The following FHAD1 variants were observed in gnomAD, a reference collection of about 807,000 sequenced individuals.
The protein encoded by FHAD1 is forkhead associated phosphopeptide binding domain 1, also known as forkhead-associated domain-containing protein 1.
A neutral mutation model predicts 191.3 loss-of-function variants in FHAD1; 146 were observed. The ratio of observed to expected loss-of-function variants is 0.76; its 90% CI spans 0.67 to 0.88. The LOEUF is 0.88. Among genes scored for constraint, FHAD1 ranks in the 40% least tolerant of loss-of-function variants. FHAD1 has a pLI of 0.00. For missense variants in FHAD1, 1,635 were observed against 1,785.8 expected (o/e 0.92, Z 1.52); for synonymous variants, 616 against 672.3 (o/e 0.92, Z 1.29).
chr1:15,280,006 A>G (rs1338858424), intron 3 of FHAD1, among the ~76,000 whole-genome samples: 1 of 152,232 alleles, frequency 6.6e-6, no homozygotes, highest in Non-Finnish European at 1.5e-5. Flanking sequence ...ATTCTCTATC[A>G]GGGAAGTTCC....
chr1:15,299,764 G>T (rs1236217488), intron 5 of FHAD1, among the ~76,000 whole-genome samples: 1 of 152,240 alleles, frequency 6.6e-6, no homozygotes, highest in Non-Finnish European at 1.5e-5. Context: ...TGTTTGTTGT[G>T]TGGATATTGA....
chr1:15,394,228 T>C (rs980345302), intron 33 of FHAD1, among the ~76,000 whole-genome samples: 1 of 152,190 alleles, frequency 6.6e-6, no homozygotes, highest in South Asian at 2.1e-4. Context: ...TCCGTGGTGC[T>C]TCCCATCCCA....
intron 21 of FHAD1, among the ~76,000 whole-genome samples, chr1:15,359,638 A>G (rs980848768): frequency 2.6e-5 from 4 of 152,082 alleles, no homozygotes; most frequent in African/African-American, 9.7e-5. Context: ...ATCTGAGGTC[A>G]AGAGTTTGAG....
In FHAD1 at chr1:15,349,133, T is replaced by C. The variant is rs1484424786; in HGVS notation, c.2438T>C (p.Leu813Ser). ...KRKVQDLENHLTQQKEISESN... is the reference protein window; with the variant it reads ...KRKVQDLENHSTQQKEISESN... ...AAAGTTCAGGATCTGGAGAACCATT[T>C]AACCCAACAGAAGGAGGTATGAGCA... The change falls in exon 19 of 34, where the codon TTA (leucine) becomes TCA (serine). Residue 813 changes from leucine to serine, a missense_variant. Coordinates refer to ENST00000688493, the MANE Select transcript of FHAD1 (RefSeq NM_001391957.1). 9 of 1,550,888 alleles carry C rather than the reference T, an allele frequency of 5.8e-6. No homozygotes were observed. In the South Asian group the frequency reaches 1.1e-4, roughly 18 times the overall value.
At chr1:15,262,440 G>A (rs1223259598) in intron 2 of FHAD1, among the ~76,000 whole-genome samples, 2 of 152,174 alleles carry the variant, frequency 1.3e-5, no homozygotes, top group Non-Finnish European at 2.9e-5. Flanking sequence ...CACCCCACTA[G>A]GAAGTAGGAG....
At chr1:15,305,565 C>G (rs990152704) in intron 6 of FHAD1, among the ~76,000 whole-genome samples, 8 of 152,122 alleles carry the variant, frequency 5.3e-5, no homozygotes, top group African/African-American at 1.9e-4. Flanking sequence ...TGACTGCATC[C>G]CCACCAAATC....
chr1:15,329,159 GTATTA>G lies in FHAD1; in HGVS notation c.1711-186_1711-182del, dbSNP rs1680178768. 1 of 493,076 alleles carries G rather than the reference GTATTA, an allele frequency of 2.0e-6. No individual in the cohort carries two copies. The highest frequency in any genetic ancestry group is 3.6e-6 in the Non-Finnish European group (1 of 275,084). 30.5% of individuals were successfully genotyped at this position (493,076 alleles called of 1,614,324 possible). A position where few individuals can be genotyped will look rare whatever the true frequency, so the allele number is the denominator to read the frequency against. ...TTGACCATCAAAAGTCCAAATTAGA[GTATTA>G]AAAAAAAACCTGTCAAAACATAAAA... On this transcript the variant is annotated intron_variant, in intron 13 of 33. Coordinates refer to ENST00000688493, the MANE Select transcript of FHAD1 (RefSeq NM_001391957.1). This position sits in a 1 kb window ranked among gnomAD's most constrained non-coding sequence, Gnocchi z 5.0.
intron 3 of FHAD1, among the ~76,000 whole-genome samples, chr1:15,286,858 G>A (rs1022456888): frequency 6.6e-6 from 1 of 152,196 alleles, no homozygotes; most frequent in Non-Finnish European, 1.5e-5. Context: ...TTGGCATGAG[G>A]CACCCTTAAC....
intron 18 of FHAD1, among the ~76,000 whole-genome samples, chr1:15,347,147 C>T (rs1005122908): frequency 1.3e-5 from 2 of 152,230 alleles, no homozygotes; most frequent in African/African-American, 4.8e-5. Flanking sequence ...GCAGCCCTCT[C>T]ACAGAGCGTC....
intron 1 of FHAD1, 122 bp from the exon 2 acceptor site, chr1:15,251,649 C>T (rs896480823): frequency 1.1e-5 from 8 of 735,504 alleles, no homozygotes; most frequent in East Asian, 8.1e-5. Context: ...CTAATCCCCC[C>T]TCTTCTGATT....
intron 14 of FHAD1, among the ~76,000 whole-genome samples, chr1:15,337,440 T>C (rs551158145): frequency 6.6e-6 from 1 of 152,318 alleles, no homozygotes; most frequent in African/African-American, 2.4e-5. Context: ...CAGCACTGAA[T>C]ACCTGGGCGT....
intron 21 of FHAD1, among the ~76,000 whole-genome samples, chr1:15,359,944 C>T (rs1003855101): frequency 4.6e-5 from 7 of 151,122 alleles, no homozygotes; most frequent in African/African-American, 1.7e-4. Context: ...AGAGAGACTC[C>T]GTCTCAAGAA....
In FHAD1 at chr1:15,289,984, C is replaced by T. The variant is rs1281409747; in HGVS notation, c.568+318C>T. On this transcript the variant is annotated intron_variant, in intron 4 of 33. Coordinates refer to ENST00000688493, the MANE Select transcript of FHAD1 (RefSeq NM_001391957.1). The surrounding 1 kb of genome is among the most constrained non-coding windows in gnomAD (Gnocchi z 4.2). ...TGAGTGTGTCATGGGATCACGTCAA[C>T]ACACTTTGACTCAGTTGTGCAAAAA... 6.6e-6 allele frequency among the ~76,000 whole-genome samples: 1 copy of T among 152,176 alleles called. No homozygotes were observed. The highest frequency in any genetic ancestry group is 2.4e-5 in the African/African-American group (1 of 41,430).
In FHAD1 at chr1:15,353,007, G is replaced by T. The variant is rs187998952; in HGVS notation, c.2562+23G>T. On this transcript the variant is annotated intron_variant, in intron 20 of 33. Transcript: ENST00000688493. The stretch of plus-strand genomic sequence containing the variant: ...GAGGTATGAGCCGCAGGGAGGGAGA[G>T]ACGAGAGGGGCCCAGCACAGCGAAG... 4,631 of 1,492,830 alleles carry T rather than the reference G, an allele frequency of 3.1e-3. 13 individuals carry two copies. The highest frequency in any genetic ancestry group is 3.5e-3 in the Non-Finnish European group (3,838 of 1,093,992). 92.5% of individuals were successfully genotyped at this position (1,492,830 alleles called of 1,614,324 possible).
In FHAD1 at chr1:15,326,952, G is replaced by A. The variant is rs138642599; in HGVS notation, c.1474-107G>A. 1,083 of 671,910 alleles carry A rather than the reference G, an allele frequency of 1.6e-3. 16 individuals are homozygous for A. Among genetic ancestry groups the A allele is most frequent in the East Asian group, 0.011 (396 of 35,892 alleles). The allele number at this position is 671,910 out of a possible 1,614,324, so 41.6% of individuals were successfully genotyped here. On this transcript the variant is annotated intron_variant, in intron 11 of 33. Transcript: ENST00000688493. ...GATAACGCGGAATGGTCATTCAGGCGTGCAAACCCTGCTAAGTGGTGTTTC... is the reference window on the plus strand; with the variant it reads ...GATAACGCGGAATGGTCATTCAGGCATGCAAACCCTGCTAAGTGGTGTTTC...
chr1:15,349,924 G>A (rs1469330896), intron 19 of FHAD1, among the ~76,000 whole-genome samples: 1 of 152,158 alleles, frequency 6.6e-6, no homozygotes, highest in Non-Finnish European at 1.5e-5. Context: ...GGTCAGCCTG[G>A]ACACCCAGGT....
chr1:15,303,584 T>A (rs2100946421), intron 6 of FHAD1, among the ~76,000 whole-genome samples: 1 of 152,312 alleles, frequency 6.6e-6, no homozygotes, highest in African/African-American at 2.4e-5. Context: ...GCGTGGTGGC[T>A]CACGCCTGTA....
At chr1:15,353,658 T>C (rs1016301968) in intron 20 of FHAD1, among the ~76,000 whole-genome samples, 5 of 136,110 alleles carry the variant, frequency 3.7e-5, no homozygotes, top group Non-Finnish European at 7.5e-5. Flanking sequence ...GGAGCCGAGA[T>C]TGCCCCATTG....
intron 28 of FHAD1, among the ~76,000 whole-genome samples, chr1:15,379,740 TAAG>T (rs1416745715): frequency 6.6e-6 from 1 of 152,220 alleles, no homozygotes; most frequent in African/African-American, 2.4e-5. Context: ...TGATGACTCT[TAAG>T]GAGCATGCTG....
Sources: gnomAD v4.1 joint callset for allele counts (sites outside exome capture counted in the v4.1 genomes callset) on GRCh38, gnomAD v4.1.1 for gene constraint, Gnocchi (gnomAD v3.1) non-coding constraint, MANE v1.5 for transcripts, NCBI Gene and HGNC (gene_info 2026-07-23, HGNC 2026-07-21) for gene names.